The following PTPN3 variants were observed in gnomAD, a reference collection of about 807,000 sequenced individuals.
PTPN3 encodes tyrosine-protein phosphatase non-receptor type 3.
In PTPN3, 96 loss-of-function variants were observed where a neutral mutation model predicts 132.7. That is an observed-to-expected ratio of 0.72 (90% CI 0.61 to 0.86). The LOEUF (loss-of-function observed/expected upper bound fraction) is 0.86. Ranked by LOEUF, PTPN3 falls within the 40% of genes least tolerant of loss-of-function variation. PTPN3 has a pLI of 0.00. For synonymous variants in PTPN3, 398 were observed against 429.0 expected, an observed-to-expected ratio of 0.93 and a Z score of 0.89; for missense variants, 1,125 against 1,159.6, an observed-to-expected ratio of 0.97 and a Z score of 0.43.
chr9:109,428,677 T>C lies in PTPN3; in HGVS notation c.772A>G (p.Ile258Val), dbSNP rs192064945. The C allele has an allele frequency of 1.4e-5, 22 of 1,613,254 alleles. No homozygotes were observed. The East Asian group carries it at 3.3e-4, about 25-fold the overall frequency. The change falls in exon 11 of 26, where the codon ATT becomes GTT. Residue 258 changes from isoleucine (I) to valine (V), a missense_variant. By Grantham distance (29) the Ile-to-Val change is conservative. Coordinates refer to ENST00000374541, the MANE Select transcript of PTPN3 (RefSeq NM_002829.4). ...TTCCTTTTGAAAGAAATTTTGAGAATGTTCACCCTTCAAAAAATAAAACAA... is the reference window on the plus strand; with the variant it reads ...TTCCTTTTGAAAGAAATTTTGAGAACGTTCACCCTTCAAAAAATAAAACAA... ...ICTSFYPWVN[I>V]LKISFKRKKF...
Position 109,433,064 on chromosome 9 carries a change from T to C in PTPN3, c.764+9A>G. The stretch of plus-strand genomic sequence containing the variant: ...GATTCAGAAAATAATGAGAACTGTT[T>C]GCACTTACCAAGGATAGAAACTTGT... On this transcript the variant is annotated intron_variant, in intron 10 of 25. Transcript: ENST00000374541. The C allele has an allele frequency of 6.2e-7, 1 of 1,613,958 alleles. No individual in the cohort carries two copies. The highest frequency in any genetic ancestry group is 8.5e-7 in the Non-Finnish European group (1 of 1,179,920).
intron 1 of PTPN3, among the ~76,000 whole-genome samples, chr9:109,478,350 T>C (rs889305660): frequency 6.6e-6 from 1 of 152,190 alleles, no homozygotes; most frequent in African/African-American, 2.4e-5. Flanking sequence ...TTCGTCCAGG[T>C]ATTTCAAACA....
Position 109,445,239 on chromosome 9 carries a change from C to T in PTPN3, c.466+1G>A. ...CGTGAAATGCTCCCTTTGTGACTTA[C>T]ATTGTACGGCATAGGACGCTAGAAC... On this transcript the variant is annotated splice_donor_variant, in intron 7 of 25. Transcript: ENST00000374541. LOFTEE classifies it high-confidence loss of function. 6.2e-7 allele frequency: 1 copy of T among 1,612,946 alleles called. No individual in the cohort carries two copies. The highest frequency in any genetic ancestry group is 8.5e-7 in the Non-Finnish European group (1 of 1,178,908).
At chr9:109,389,173 A>T in intron 22 of PTPN3, 60 bp downstream of exon 22, 1 of 1,588,410 alleles carries the variant, frequency 6.3e-7, no homozygotes, top group South Asian at 1.2e-5. Context: ...GCTGAGATTC[A>T]TGTTACACAG....
upstream of PTPN3, among the ~76,000 whole-genome samples, chr9:109,499,949 C>T (rs1847837838): frequency 6.6e-6 from 1 of 152,170 alleles, no homozygotes; most frequent in East Asian, 1.9e-4. Flanking sequence ...TGGGCATGCT[C>T]GGAGCCGGGC....
the PTPN3 span, among the ~76,000 whole-genome samples, chr9:109,508,278 A>G: frequency 1.2e-4 from 18 of 151,720 alleles, no homozygotes; most frequent in East Asian, 3.1e-3. Context: ...CTCCTGCCTC[A>G]GCGTCCCAAG....
intron 19 of PTPN3, among the ~76,000 whole-genome samples, chr9:109,401,865 A>T (rs1841142714): frequency 6.6e-6 from 1 of 151,938 alleles, no homozygotes; most frequent in African/African-American, 2.4e-5. Flanking sequence ...AATCCCACAC[A>T]TCTCACTCCA....
chr9:109,472,378 A>G (rs934872950), intron 1 of PTPN3, among the ~76,000 whole-genome samples: 21 of 152,246 alleles, frequency 1.4e-4, no homozygotes, highest in African/African-American at 4.6e-4. Context: ...AGATGCATAC[A>G]TTTTGTGCTA....
intron 5 of PTPN3, chr9:109,449,503 C>T (rs1845100810): frequency 3.0e-6 from 3 of 985,406 alleles, no homozygotes; most frequent in South Asian, 4.7e-5. Context: ...AAACTCCAGA[C>T]CTGTTTTGTG....
chr9:109,518,734 T>C, the PTPN3 span, among the ~76,000 whole-genome samples: 1 of 152,096 alleles, frequency 6.6e-6, no homozygotes, highest in Non-Finnish European at 1.5e-5. Context: ...AAACCTCCCA[T>C]TCAGGGCTCA....
At chr9:109,489,501 G>A (rs1025344322) in intron 1 of PTPN3, among the ~76,000 whole-genome samples, 15 of 152,068 alleles carry the variant, frequency 9.9e-5, no homozygotes, top group African/African-American at 3.4e-4. Flanking sequence ...GTGACCACAC[G>A]TCCGGATTTA....
At chr9:109,423,588 A>G (rs1843032812) in intron 12 of PTPN3, among the ~76,000 whole-genome samples, 1 of 152,214 alleles carries the variant, frequency 6.6e-6, no homozygotes, top group East Asian at 1.9e-4. Context: ...TCTGGGGAAC[A>G]CAGTAAGACT....
intron 1 of PTPN3, among the ~76,000 whole-genome samples, chr9:109,486,561 T>G (rs563778667): frequency 6.6e-6 from 1 of 152,140 alleles, no homozygotes; most frequent in South Asian, 2.1e-4. Context: ...AGGAAGACTA[T>G]GTGGAGAGGA....
chr9:109,507,201 A>G, the PTPN3 span, among the ~76,000 whole-genome samples: 1 of 152,192 alleles, frequency 6.6e-6, no homozygotes, highest in Non-Finnish European at 1.5e-5. Flanking sequence ...GATAAGGATA[A>G]AAGAAAAGGA....
chr9:109,446,616 G>A (rs1282852555), intron 6 of PTPN3, among the ~76,000 whole-genome samples: 1 of 152,186 alleles, frequency 6.6e-6, no homozygotes, highest in African/African-American at 2.4e-5. Flanking sequence ...TTAAATCTAC[G>A]CCAGTGTCCT....
At chr9:109,484,168 C>A (rs1847097818) in intron 1 of PTPN3, among the ~76,000 whole-genome samples, 1 of 152,170 alleles carries the variant, frequency 6.6e-6, no homozygotes, top group African/African-American at 2.4e-5. Context: ...GTGGCGCACA[C>A]CAACCACAGC....
chr9:109,502,397 C>T (rs567387843), upstream of PTPN3, among the ~76,000 whole-genome samples: 94 of 152,056 alleles, frequency 6.2e-4, no homozygotes, highest in African/African-American at 2.2e-3. Flanking sequence ...ATGAAGAGCC[C>T]GAGAATCCAT....
In PTPN3 at chr9:109,427,061, A is replaced by G; in HGVS notation, c.890T>C (p.Leu297Ser). 1 of 1,614,122 alleles carries G rather than the reference A, an allele frequency of 6.2e-7. No homozygotes were observed. Among genetic ancestry groups the G allele is most frequent in the Non-Finnish European group, 8.5e-7 (1 of 1,179,980 alleles). Residue 297 changes from leucine (L) to serine (S), a missense_variant, in exon 12 of 26, where the codon TTG becomes TCG. Leu to Ser is a moderately radical substitution (Grantham distance 145). Coordinates refer to ENST00000374541, the MANE Select transcript of PTPN3 (RefSeq NM_002829.4). Reference sequence around the variant, plus strand: ...ATGGTGCTCAACACAGGATTTCCACAAGTTTTTGCAAGATCGGTAATTCAG... The same window carrying G: ...ATGGTGCTCAACACAGGATTTCCACGAGTTTTTGCAAGATCGGTAATTCAG... ...NMLNYRSCKNLWKSCVEHHTF... is the reference protein window; with the variant it reads ...NMLNYRSCKNSWKSCVEHHTF...
At chr9:109,428,936 G>C (rs1352097714) in intron 10 of PTPN3, 1 of 985,280 alleles carries the variant, frequency 1.0e-6, no homozygotes, top group African/African-American at 1.7e-5. Flanking sequence ...AGAAACATAG[G>C]CCATGCGCTC....
Sources: gnomAD v4.1 joint callset for allele counts (sites outside exome capture counted in the v4.1 genomes callset) on GRCh38, gnomAD v4.1.1 for gene constraint, MANE v1.5 for transcripts, NCBI Gene and HGNC (gene_info 2026-07-23, HGNC 2026-07-21) for gene names.